OPRM1: variants seen among roughly 807,000 people sequenced by gnomAD.
OPRM1 encodes the protein mu-type opioid receptor.
A neutral mutation model predicts 31.8 loss-of-function variants in OPRM1; 27 were observed. That is an observed-to-expected ratio of 0.85 (90% CI 0.63 to 1.17). OPRM1 has a LOEUF of 1.17. Among genes scored for constraint, OPRM1 ranks in the 50% most tolerant of loss-of-function variants. The pLI is 0.00. For missense variants in OPRM1, 536 were observed against 511.1 expected, an observed-to-expected ratio of 1.05 and a Z score of -0.47; for synonymous variants, 196 against 189.9, an observed-to-expected ratio of 1.03 and a Z score of -0.26.
intron 3 of OPRM1, among the ~76,000 whole-genome samples, chr6:154,148,638 C>T (rs1798417687): frequency 6.6e-6 from 1 of 152,180 alleles, no homozygotes; most frequent in South Asian, 2.1e-4. Context: ...CAACATTGTG[C>T]CCACTCCCAC....
chr6:154,041,945 G>A (rs1780153118), intron 1 of OPRM1, among the ~76,000 whole-genome samples: 1 of 152,176 alleles, frequency 6.6e-6, no homozygotes, highest in Non-Finnish European at 1.5e-5. Flanking sequence ...GAGCAGATTG[G>A]TCTTATTCCA....
intron 3 of OPRM1, among the ~76,000 whole-genome samples, chr6:154,236,136 G>A (rs910759205): frequency 2.0e-5 from 3 of 152,152 alleles, no homozygotes; most frequent in African/African-American, 7.2e-5. Context: ...AAAGGTAGAA[G>A]CGACCCAAGT....
intron 3 of OPRM1, among the ~76,000 whole-genome samples, chr6:154,093,097 T>C (rs1468771458): frequency 6.6e-6 from 1 of 152,182 alleles, no homozygotes; most frequent in Non-Finnish European, 1.5e-5. Flanking sequence ...GTAAGTAACT[T>C]TAAAAGGGCA....
chr6:154,064,010 C>G (rs570544233), intron 1 of OPRM1, among the ~76,000 whole-genome samples: 1 of 152,092 alleles, frequency 6.6e-6, no homozygotes, highest in African/African-American at 2.4e-5. Context: ...GTATTTGGAT[C>G]ATATGGTAAT....
intron 3 of OPRM1, chr6:154,212,706 A>T (rs1257054106): frequency 6.4e-6 from 7 of 1,101,774 alleles, no homozygotes; most frequent in Non-Finnish European, 9.6e-6. Flanking sequence ...TTCCTATTCA[A>T]TTGGAAGAAA....
Position 154,152,293 on chromosome 6 carries a change from AGAG to A in OPRM1, c.1164+60822_1164+60824del, listed in dbSNP as rs1309432607. The stretch of plus-strand genomic sequence containing the variant: ...AAAAAGAAAAGGAAAGAAAAGGAAG[AGAG>A]AAGAAAGAAAGAAAGAAAGAAAGAA... On this transcript the variant is annotated intron_variant, in intron 3 of 3. Coordinates refer to the OPRM1 transcript ENST00000337049. 2.1e-3 allele frequency among the ~76,000 whole-genome samples: 273 copies of A among 132,494 alleles called. 7 individuals carry two copies. Among genetic ancestry groups the A allele is most frequent in the African/African-American group, 7.2e-3 (250 of 34,540 alleles). The allele number at this position is 132,494 out of a possible 152,430, so 86.9% of individuals were successfully genotyped here.
intron 3 of OPRM1, among the ~76,000 whole-genome samples, chr6:154,145,812 C>G (rs761974782): frequency 5.3e-5 from 8 of 152,172 alleles, no homozygotes; most frequent in Non-Finnish European, 1.0e-4. Context: ...AGATAGAAAA[C>G]CCAGAAATAG....
intron 1 of OPRM1, among the ~76,000 whole-genome samples, chr6:154,084,101 T>G (rs902989995): frequency 1.1e-4 from 16 of 151,888 alleles, no homozygotes; most frequent in African/African-American, 3.6e-4. Context: ...TGAGGTAAAC[T>G]AGCAAGCAAT....
intron 1 of OPRM1, among the ~76,000 whole-genome samples, chr6:154,054,367 C>CA (rs1194794442): frequency 0.097 from 4,812 of 49,460 alleles, 185 homozygotes; most frequent in African/African-American, 0.16. Flanking sequence ...GACTCCGTCT[C>CA]AAAAAAAAAA....
chr6:154,050,632 G>A (rs1782008419), intron 1 of OPRM1, among the ~76,000 whole-genome samples: 1 of 151,952 alleles, frequency 6.6e-6, no homozygotes, highest in South Asian at 2.1e-4. Flanking sequence ...GGGGGGCTGG[G>A]AGGAGGTGGG....
At chr6:154,103,142 G>A (rs755326043) in intron 3 of OPRM1, among the ~76,000 whole-genome samples, 17 of 152,242 alleles carry the variant, frequency 1.1e-4, no homozygotes, top group Non-Finnish European at 5.9e-5. Flanking sequence ...ACATTAAGAG[G>A]AGTTGTGGAC....
At chr6:154,149,970 C>A (rs932157691) in intron 3 of OPRM1, among the ~76,000 whole-genome samples, 1 of 152,238 alleles carries the variant, frequency 6.6e-6, no homozygotes, top group African/African-American at 2.4e-5. Context: ...ATGCTAATAG[C>A]CCCCTCACCA....
chr6:154,193,975 T>C (rs1295117645), intron 3 of OPRM1, among the ~76,000 whole-genome samples: 2 of 152,140 alleles, frequency 1.3e-5, no homozygotes, highest in African/African-American at 4.8e-5. Flanking sequence ...TTTTTTGTCA[T>C]GACATACACA....
At chr6:154,081,155 A>G (rs1789017757) in intron 1 of OPRM1, among the ~76,000 whole-genome samples, 1 of 152,224 alleles carries the variant, frequency 6.6e-6, no homozygotes, top group Non-Finnish European at 1.5e-5. Context: ...GGGAACAGAG[A>G]GGTTGTGAGT....
intron 3 of OPRM1, among the ~76,000 whole-genome samples, chr6:154,225,418 AG>A (rs1181686872): frequency 5.9e-5 from 9 of 152,280 alleles, no homozygotes; most frequent in African/African-American, 1.9e-4. Context: ...GCCTTAAAAA[AG>A]AATAAAGTAC....
At chr6:154,086,876 C>A in intron 1 of OPRM1, 9 of 983,600 alleles carry the variant, frequency 9.2e-6, no homozygotes, top group Non-Finnish European at 9.7e-6. Context: ...GGAGAAACTT[C>A]TTCTTATTAA....
At chr6:154,039,899 T>A (rs1285749432) in intron 1 of OPRM1, 65 bp downstream of exon 1, 2 of 1,421,300 alleles carry the variant, frequency 1.4e-6, no homozygotes, top group African/African-American at 1.4e-5. Context: ...AAGAGACACC[T>A]AACTCCCAAG....
intron 3 of OPRM1, chr6:154,093,425 T>G: frequency 6.2e-7 from 1 of 1,613,954 alleles, no homozygotes; most frequent in East Asian, 2.2e-5. Context: ...GCCCGTCTGG[T>G]GGAGCATTTC....
chr6:154,073,349 T>C (rs1787197785), intron 1 of OPRM1, among the ~76,000 whole-genome samples: 1 of 152,158 alleles, frequency 6.6e-6, no homozygotes, highest in South Asian at 2.1e-4. Flanking sequence ...AGGCTATACC[T>C]GGGAAACTAG....
Sources: allele counts gnomAD v4.1 joint callset (sites outside exome capture counted in the v4.1 genomes callset), GRCh38; gene constraint gnomAD v4.1.1; transcripts MANE v1.5; gene names NCBI Gene and HGNC (gene_info 2026-07-23, HGNC 2026-07-21).